Variants in CACNA2D1 observed in about 807,000 individuals in gnomAD.
CACNA2D1 encodes the protein voltage-dependent calcium channel subunit alpha-2/delta-1.
In CACNA2D1, 53 loss-of-function variants were observed where a neutral mutation model predicts 171.5. That is an observed-to-expected ratio of 0.31 (90% CI 0.25 to 0.39). The LOEUF is 0.39. Among genes scored for constraint, CACNA2D1 ranks in the 10% least tolerant of loss-of-function variants. The pLI, the probability that CACNA2D1 is intolerant of heterozygous loss-of-function variation, is 1.00. For missense variants in CACNA2D1, 903 were observed against 1,299.8 expected, an observed-to-expected ratio of 0.69 and a Z score of 4.69; for synonymous variants, 442 against 443.1, an observed-to-expected ratio of 1.00 and a Z score of 0.03.
intron 4 of CACNA2D1, among the ~76,000 whole-genome samples, chr7:82,155,849 G>A (rs1020127431): frequency 6.6e-6 from 1 of 152,122 alleles, no homozygotes; most frequent in Non-Finnish European, 1.5e-5. Flanking sequence ...AAGAGCAGCT[G>A]AAACAGACAA....
intron 3 of CACNA2D1, among the ~76,000 whole-genome samples, chr7:82,332,512 A>AAGAAAGAAAGAAAG (rs1199054464): frequency 1.0e-4 from 8 of 77,798 alleles, no homozygotes; most frequent in Admixed American, 2.7e-4. Context: ...AAGAAATATA[A>AAGAAAGAAAGAAAG]AGAAAGAAAG....
At chr7:82,393,055 A>AAGGG (rs1825328324) in intron 1 of CACNA2D1, among the ~76,000 whole-genome samples, 1 of 111,088 alleles carries the variant, frequency 9.0e-6, no homozygotes, top group Non-Finnish European at 1.8e-5. Context: ...GGAAGGAAGG[A>AAGGG]AGGAAGGAAG....
At chr7:82,414,163 G>A (rs1827948031) in intron 1 of CACNA2D1, among the ~76,000 whole-genome samples, 1 of 152,140 alleles carries the variant, frequency 6.6e-6, no homozygotes, top group South Asian at 2.1e-4. Context: ...CTAAAGGCAA[G>A]ATTAATGGTA....
intron 4 of CACNA2D1, among the ~76,000 whole-genome samples, chr7:82,157,965 TAA>T (rs1342770048): frequency 6.6e-6 from 1 of 151,896 alleles, no homozygotes; most frequent in Non-Finnish European, 1.5e-5. Flanking sequence ...TTCTAGAGCT[TAA>T]AAGTCATGCT....
chr7:82,220,783 T>TTC (rs1801659640), intron 3 of CACNA2D1, among the ~76,000 whole-genome samples: 1 of 144,032 alleles, frequency 6.9e-6, no homozygotes, highest in African/African-American at 2.7e-5. Flanking sequence ...TCTTTTTTCT[T>TTC]TTTTTTTTTT....
rs932080938 is a variant in CACNA2D1, at chr7:82,099,422, C to CTTTTTTTTTTTTTTTTTTTTTTTT, written c.527-14546_527-14523dup. The stretch of plus-strand genomic sequence containing the variant: ...ACTCTAAAACAGGTAGCAATACCTT[C>CTTTTTTTTTTTTTTTTTTTTTTTT]TTTTTTTTTTTTTTTTTTTTTTTTT... On this transcript the variant is annotated intron_variant, in intron 6 of 38. Transcript: ENST00000356860. Among the ~76,000 whole-genome samples the CTTTTTTTTTTTTTTTTTTTTTTTT allele has an allele frequency of 1.7e-4, 7 of 40,290 alleles. 1 individual carries two copies. The highest frequency in any genetic ancestry group is 3.0e-4 in the Non-Finnish European group (6 of 20,272). 26.4% of individuals were successfully genotyped at this position (40,290 alleles called of 152,430 possible).
rs1001386085 is a variant in CACNA2D1, at chr7:81,971,708, C to G, written c.2141+69G>C. On this transcript the variant is annotated intron_variant, in intron 26 of 38. Coordinates refer to ENST00000356860, the MANE Select transcript of CACNA2D1 (RefSeq NM_000722.4). The stretch of plus-strand genomic sequence containing the variant: ...ACTGTAAATTTATGAGATTCATACC[C>G]AATTTCCACAGGAGAAACTAAATTG... 5.7e-6 allele frequency: 5 copies of G among 869,960 alleles called. No individual in the cohort carries two copies. The East Asian group carries it at 1.3e-4, about 22-fold the overall frequency. The allele number at this position is 869,960 out of a possible 1,614,324, so 53.9% of individuals were successfully genotyped here.
chr7:82,442,954 T>C (rs574272406), intron 1 of CACNA2D1, among the ~76,000 whole-genome samples: 1 of 152,320 alleles, frequency 6.6e-6, no homozygotes, highest in African/African-American at 2.4e-5. Flanking sequence ...AAGCCTGAAA[T>C]TACCTGTTTG....
chr7:82,170,894 T>C (rs1196374158), intron 3 of CACNA2D1, among the ~76,000 whole-genome samples: 1 of 152,094 alleles, frequency 6.6e-6, no homozygotes, highest in Admixed American at 6.6e-5. Flanking sequence ...TTTCTTTCAA[T>C]GACTAATACT....
rs367965934 is a variant in CACNA2D1, at chr7:82,357,874, A to G, written c.96-8225T>C. ...CTTAAAGTATAATAAAAAAAAAAAA[A>G]AGAGGGCTTGTTACAGTAAGGGATT... On this transcript the variant is annotated intron_variant, in intron 1 of 38. Coordinates refer to ENST00000356860, the MANE Select transcript of CACNA2D1 (RefSeq NM_000722.4). Among the ~76,000 whole-genome samples the G allele has an allele frequency of 1.3e-4, 19 of 151,984 alleles. No homozygotes were observed. The East Asian group carries it at 3.5e-3, about 28-fold the overall frequency.
chr7:82,189,642 G>A (rs1390589106), intron 3 of CACNA2D1, among the ~76,000 whole-genome samples: 1 of 151,874 alleles, frequency 6.6e-6, no homozygotes, highest in African/African-American at 2.4e-5. Context: ...GATACCAACT[G>A]AATATGGCAA....
At chr7:82,043,272 C>G (rs1562914352) in intron 10 of CACNA2D1, among the ~76,000 whole-genome samples, 2 of 152,104 alleles carry the variant, frequency 1.3e-5, no homozygotes, top group African/African-American at 2.4e-5. Context: ...TTAAAATACT[C>G]AAATAAAGAT....
chr7:81,950,608 A>G (rs1562760330), intron 38 of CACNA2D1, 100 bp from the exon 39 acceptor site: 10 of 1,457,468 alleles, frequency 6.9e-6, no homozygotes, highest in South Asian at 2.7e-5. Flanking sequence ...TATTTAGTTC[A>G]CTTTCTGAAC....
chr7:82,289,930 T>A (rs1585355126), intron 3 of CACNA2D1, among the ~76,000 whole-genome samples: 1 of 152,240 alleles, frequency 6.6e-6, no homozygotes, highest in East Asian at 1.9e-4. Flanking sequence ...CTGCCTCATC[T>A]TACCCTTAAC....
intron 10 of CACNA2D1, among the ~76,000 whole-genome samples, chr7:82,038,755 T>G (rs774266988): frequency 2.0e-5 from 3 of 152,170 alleles, no homozygotes; most frequent in Non-Finnish European, 4.4e-5. Flanking sequence ...GCAATCTGAA[T>G]CAAGAACAAC....
chr7:81,994,031 TAGTC>T (rs1372103929), intron 20 of CACNA2D1, among the ~76,000 whole-genome samples: 1 of 152,094 alleles, frequency 6.6e-6, no homozygotes, highest in East Asian at 1.9e-4. Flanking sequence ...TGAAGGATCA[TAGTC>T]AGATCCTAGC....
intron 38 of CACNA2D1, among the ~76,000 whole-genome samples, chr7:81,954,498 T>C (rs140184361): frequency 3.4e-4 from 52 of 152,198 alleles, no homozygotes; most frequent in African/African-American, 1.2e-3. Context: ...TCATACAGCA[T>C]GCGTTACCAG....
At chr7:82,156,776 A>G (rs1794420952) in intron 4 of CACNA2D1, among the ~76,000 whole-genome samples, 1 of 152,010 alleles carries the variant, frequency 6.6e-6, no homozygotes, top group African/African-American at 2.4e-5. Flanking sequence ...CTTGAGTTAA[A>G]TGTGGTTGAA....
intron 3 of CACNA2D1, among the ~76,000 whole-genome samples, chr7:82,205,981 G>GA (rs1211950562): frequency 6.6e-6 from 1 of 151,786 alleles, no homozygotes; most frequent in Non-Finnish European, 1.5e-5. Context: ...AAAAGTTAAA[G>GA]AAAAAAACAC....
Sources: gnomAD v4.1 joint callset for allele counts (sites outside exome capture counted in the v4.1 genomes callset) on GRCh38, gnomAD v4.1.1 for gene constraint, MANE v1.5 for transcripts, NCBI Gene and HGNC (gene_info 2026-07-23, HGNC 2026-07-21) for gene names.